Variants in MTM1 observed in about 807,000 individuals in gnomAD.
The protein encoded by MTM1 is myotubularin.
In MTM1, 9 loss-of-function variants were observed where a neutral mutation model predicts 52.1. The ratio of observed to expected loss-of-function variants is 0.17; its 90% CI spans 0.10 to 0.30. MTM1 has a LOEUF of 0.30. Ranked by LOEUF, MTM1 falls within the 10% of genes least tolerant of loss-of-function variation. MTM1 has a pLI of 1.00. For synonymous variants in MTM1, 136 were observed against 163.8 expected, an observed-to-expected ratio of 0.83 and a Z score of 1.29; for missense variants, 277 against 470.7, an observed-to-expected ratio of 0.59 and a Z score of 3.81.
At chrX:150,627,647 G>C (rs2039593137) in intron 6 of MTM1, among the ~76,000 whole-genome samples, 1 of 111,576 alleles carries the variant, frequency 9.0e-6, no homozygotes, top group Non-Finnish European at 1.9e-5. Context: ...AAGTCTTTGT[G>C]GACTTTTCTA....
chrX:150,606,058 C>A (rs1371032654), intron 4 of MTM1, among the ~76,000 whole-genome samples: 1 of 109,799 alleles, frequency 9.1e-6, no homozygotes, highest in Non-Finnish European at 1.9e-5. Context: ...CTTTTCAGGT[C>A]CTTCTCTCTA....
At chrX:150,670,254 G>A in intron 14 of MTM1, among the ~76,000 whole-genome samples, 1 of 112,443 alleles carries the variant, frequency 8.9e-6, no homozygotes, top group Middle Eastern at 4.6e-3. Context: ...TTATGCTCCA[G>A]CCTGACTTCT....
At chrX:150,583,938 T>TATATATATTTAATATATATATAAA (rs2038731521) in intron 1 of MTM1, among the ~76,000 whole-genome samples, 2 of 60,025 alleles carry the variant, frequency 3.3e-5, no homozygotes, top group African/African-American at 6.2e-5. Context: ...TAAATTAAAA[T>TATATATATTTAATATATATATAAA]ATATATATTA....
intron 14 of MTM1, among the ~76,000 whole-genome samples, chrX:150,666,164 A>G (rs1273746856): frequency 8.9e-6 from 1 of 112,393 alleles, no homozygotes; most frequent in Non-Finnish European, 1.9e-5. Context: ...GACATACTTT[A>G]TAATTCATTT....
chrX:150,563,127 A>G, the MTM1 span, among the ~76,000 whole-genome samples: 93 of 109,405 alleles, frequency 8.5e-4, no homozygotes, highest in African/African-American at 3.1e-3. Context: ...CAGACTGGGT[A>G]GCACATCCTT....
chrX:150,583,188 T>TAAATTATATATAAATTATAAATATATAA (rs2038629092), intron 1 of MTM1, among the ~76,000 whole-genome samples: 2 of 74,530 alleles, frequency 2.7e-5, no homozygotes, highest in African/African-American at 5.5e-5. Context: ...TAAATATATA[T>TAAATTATATATAAATTATAAATATATAA]AAATTATATA....
At chrX:150,572,046 G>A (rs2038387035) in intron 1 of MTM1, among the ~76,000 whole-genome samples, 1 of 112,069 alleles carries the variant, frequency 8.9e-6, no homozygotes, top group African/African-American at 3.3e-5. Context: ...AATTGGCATT[G>A]TGTACTACTA....
chrX:150,647,920 G>A (rs782369167), intron 9 of MTM1, among the ~76,000 whole-genome samples: 2 of 112,076 alleles, frequency 1.8e-5, no homozygotes, highest in Admixed American at 1.9e-4. Context: ...AAACATTAGC[G>A]ATGAGTAATA....
At chrX:150,648,391 T>C (rs987640117) in intron 9 of MTM1, among the ~76,000 whole-genome samples, 4 of 112,368 alleles carry the variant, frequency 3.6e-5, no homozygotes, top group Non-Finnish European at 7.5e-5. Context: ...GCTACAAGCT[T>C]ATATTCCTTC....
chrX:150,669,911 A>G (rs1319342375), intron 14 of MTM1, among the ~76,000 whole-genome samples: 1 of 111,285 alleles, frequency 9.0e-6, no homozygotes, highest in African/African-American at 3.3e-5. Flanking sequence ...CTTTTGTTGC[A>G]ATTGTTTTTG....
At chrX:150,665,561 A>G (rs1557414898) in intron 14 of MTM1, among the ~76,000 whole-genome samples, 1 of 112,819 alleles carries the variant, frequency 8.9e-6, no homozygotes, top group East Asian at 2.8e-4. Flanking sequence ...ATTGTTATTC[A>G]GTTGTGTGAG....
At position 150,630,756 on chromosome X, in the gene MTM1, G is replaced by T. The variant is rs1240689618; in HGVS notation, c.445-8187G>T. The stretch of plus-strand genomic sequence containing the variant: ...TATTTGGTAGCATTTGAGAGTCTGT[G>T]TTGAGGGGCTCTAAAACCACCCCCA... On this transcript the variant is annotated intron_variant, in intron 6 of 14. Transcript: ENST00000370396. Among the ~76,000 whole-genome samples, 10 of 111,751 alleles carry T rather than the reference G, an allele frequency of 8.9e-5. No individual in the cohort carries two copies. In the Admixed American group the frequency reaches 9.5e-4, roughly 11 times the overall value.
chrX:150,665,486 G>A (rs782512964), intron 14 of MTM1, among the ~76,000 whole-genome samples: 10 of 112,580 alleles, frequency 8.9e-5, no homozygotes, highest in African/African-American at 1.3e-4. Flanking sequence ...AGATTAAATC[G>A]CATAGGACTT....
intron 6 of MTM1, among the ~76,000 whole-genome samples, chrX:150,621,194 A>G (rs2039475021): frequency 9.3e-6 from 1 of 108,059 alleles, no homozygotes; most frequent in Non-Finnish European, 1.9e-5. Context: ...CATGAAACCT[A>G]CCTTTCATCC....
At chrX:150,617,163 C>G (rs1402492198) in intron 5 of MTM1, among the ~76,000 whole-genome samples, 2 of 112,951 alleles carry the variant, frequency 1.8e-5, no homozygotes, top group African/African-American at 3.2e-5. Flanking sequence ...ACTTGAATCA[C>G]TTGTGCTTTG....
chrX:150,661,788 A>G (rs1557414702), intron 13 of MTM1, among the ~76,000 whole-genome samples: 1 of 111,718 alleles, frequency 9.0e-6, no homozygotes, highest in East Asian at 2.8e-4. Context: ...GGAAGGGGTA[A>G]GGGAAAGAGG....
At chrX:150,566,204 C>A (rs782164029), upstream of MTM1, among the ~76,000 whole-genome samples, 14 of 111,695 alleles carry the variant, frequency 1.3e-4, no homozygotes, top group African/African-American at 4.2e-4. Context: ...GGTGCAATCT[C>A]AGCTCACTGC....
chrX:150,589,351 G>A (rs1557412386), intron 1 of MTM1, among the ~76,000 whole-genome samples: 1 of 111,532 alleles, frequency 9.0e-6, no homozygotes, highest in Non-Finnish European at 1.9e-5. Context: ...GGTTATTTTG[G>A]GGGATCAAAA....
rs56302527 is a variant in MTM1 at position 150,651,485 on chromosome X, G to GTT, written c.1053+1603_1053+1604dup. On this transcript the variant is annotated intron_variant, in intron 10 of 14. Coordinates refer to ENST00000370396, the MANE Select transcript of MTM1 (RefSeq NM_000252.3). ...TATATTTAGTTGTCACAATTAGGTT[G>GTT]TTTTTTTTTTTTTTTTTTTTAACAA... is the stretch of plus-strand genomic sequence containing the variant. Among the ~76,000 whole-genome samples, 278 of 74,778 alleles carry GTT rather than the reference G, an allele frequency of 3.7e-3. 2 individuals carry two copies. The highest frequency in any genetic ancestry group is 0.014 in the Middle Eastern group (2 of 139). 64.9% of individuals were successfully genotyped at this position (74,778 alleles called of 115,157 possible).
Sources: gnomAD v4.1 joint callset for allele counts (sites outside exome capture counted in the v4.1 genomes callset) on GRCh38, gnomAD v4.1.1 for gene constraint, MANE v1.5 for transcripts, NCBI Gene and HGNC (gene_info 2026-07-23, HGNC 2026-07-21) for gene names.